The following RASSF3 variants were observed in gnomAD, a reference collection of about 807,000 sequenced individuals.
The protein encoded by RASSF3 is Ras association domain family member 3.
A neutral mutation model predicts 19.9 loss-of-function variants in RASSF3; 19 were observed. That is an observed-to-expected ratio of 0.96 (90% CI 0.67 to 1.40). The LOEUF is 1.40. RASSF3 is among the 40% of genes most tolerant of loss of function. RASSF3 has a pLI of 0.00. For synonymous variants in RASSF3, 110 were observed against 104.2 expected, an observed-to-expected ratio of 1.06 and a Z score of -0.34; for missense variants, 306 against 289.8, an observed-to-expected ratio of 1.06 and a Z score of -0.41.
chr12:64,559,853 C>T (rs1254996776), intron 2 of RASSF3, among the ~76,000 whole-genome samples: 1 of 152,228 alleles, frequency 6.6e-6, no homozygotes, highest in Non-Finnish European at 1.5e-5. Flanking sequence ...GGTTCCTGCT[C>T]GCTAATTCTT....
chr12:64,556,233 T>C (rs1869254031), intron 2 of RASSF3, among the ~76,000 whole-genome samples: 1 of 152,088 alleles, frequency 6.6e-6, no homozygotes, highest in South Asian at 2.1e-4. Context: ...TGATCATGGC[T>C]CACTGCAGCC....
At chr12:64,629,988 AAAAG>A (rs1871123189) in intron 1 of RASSF3, 2 of 150,640 alleles carry the variant, frequency 1.3e-5, no homozygotes, top group African/African-American at 2.5e-5. Context: ...GAAAAAGAAA[AAAAG>A]AACAAGAAAG....
chr12:64,567,320 C>A (rs1397666326), intron 2 of RASSF3, among the ~76,000 whole-genome samples: 1 of 152,194 alleles, frequency 6.6e-6, no homozygotes, highest in Non-Finnish European at 1.5e-5. Context: ...TGGAAGGAAT[C>A]TCCTACCTGG....
Position 64,527,134 on chromosome 12 carries a change from A to T in RASSF3, c.170-14447A>T, listed in dbSNP as rs188364168. 2.0e-4 allele frequency among the ~76,000 whole-genome samples: 31 copies of T among 152,304 alleles called. No homozygotes were observed. The East Asian group carries it at 5.0e-3, about 25-fold the overall frequency. ...GCAGTTTAACAAGTTACCCAGCTGA[A>T]GCTCATGCTGTCCTCCTCTGAGAAC... On this transcript the variant is annotated intron_variant, in intron 1 of 5. Coordinates refer to the RASSF3 transcript ENST00000637125.
At chr12:64,548,516 T>G (rs975879551) in intron 2 of RASSF3, among the ~76,000 whole-genome samples, 14 of 152,204 alleles carry the variant, frequency 9.2e-5, no homozygotes, top group African/African-American at 3.4e-4. Flanking sequence ...TTGGTGCATT[T>G]CTTACTGTTG....
chr12:64,536,183 T>G (rs1868823491), intron 1 of RASSF3, among the ~76,000 whole-genome samples: 1 of 151,662 alleles, frequency 6.6e-6, no homozygotes, highest in African/African-American at 2.4e-5. Context: ...GTATTTTTAG[T>G]AGAGATGGGG....
intron 1 of RASSF3, among the ~76,000 whole-genome samples, chr12:64,673,294 G>A (rs1872765602): frequency 6.6e-6 from 1 of 152,148 alleles, no homozygotes; most frequent in Admixed American, 6.5e-5. Flanking sequence ...TGGTGCTTGT[G>A]TCACCACTCG....
chr12:64,688,481 G>T, intron 3 of RASSF3, 28 bp downstream of exon 3: 2 of 1,503,224 alleles, frequency 1.3e-6, no homozygotes, highest in South Asian at 1.1e-5. Flanking sequence ...AAGGAAAATG[G>T]TCTGTGCTTC....
intron 2 of RASSF3, among the ~76,000 whole-genome samples, chr12:64,595,568 A>G (rs190702595): frequency 6.6e-6 from 1 of 152,252 alleles, no homozygotes; most frequent in East Asian, 1.9e-4. Context: ...CGTATGTAAT[A>G]CATCTTTTTC....
chr12:64,600,511 C>G (rs1870074260), intron 2 of RASSF3, among the ~76,000 whole-genome samples: 1 of 152,050 alleles, frequency 6.6e-6, no homozygotes, highest in South Asian at 2.1e-4. Context: ...TTTCAAATGC[C>G]CTTTGGGAGT....
At chr12:64,544,077 G>A (rs1050586592), downstream of RASSF3, among the ~76,000 whole-genome samples, 2 of 152,134 alleles carry the variant, frequency 1.3e-5, no homozygotes, top group East Asian at 1.9e-4. Flanking sequence ...TTGGCACCTC[G>A]GTGGGGGTCC....
rs564258683 is a variant in RASSF3 at position 64,523,244 on chromosome 12, A to G, written c.169+15915A>G. On this transcript the variant is annotated intron_variant, in intron 1 of 5. Coordinates refer to the RASSF3 transcript ENST00000637125. ...AACATGGCGAAACCCCATCTCTATG[A>G]AAAATACAAAAAATAGCCGGGCATG... 3.0e-3 allele frequency among the ~76,000 whole-genome samples: 456 copies of G among 152,198 alleles called. 2 individuals are homozygous for G. Among genetic ancestry groups the G allele is most frequent in the Non-Finnish European group, 5.1e-3 (345 of 68,008 alleles).
chr12:64,607,620 C>T (rs916041553), upstream of RASSF3, among the ~76,000 whole-genome samples: 5 of 152,136 alleles, frequency 3.3e-5, no homozygotes, highest in Admixed American at 1.3e-4. Context: ...AGTGATCTGC[C>T]GGCCTCAGCC....
intron 1 of RASSF3, among the ~76,000 whole-genome samples, chr12:64,611,034 C>A (rs1870338604): frequency 6.6e-6 from 1 of 152,228 alleles, no homozygotes; most frequent in East Asian, 1.9e-4. Flanking sequence ...CTGCGGGGAG[C>A]AGCCCCGGAG....
At chr12:64,623,217 A>G (rs1870855419) in intron 1 of RASSF3, among the ~76,000 whole-genome samples, 1 of 152,356 alleles carries the variant, frequency 6.6e-6, no homozygotes, top group Non-Finnish European at 1.5e-5. Context: ...ATGAAAATAG[A>G]AAACAACATA....
intron 1 of RASSF3, among the ~76,000 whole-genome samples, chr12:64,613,943 G>A (rs921064998): frequency 1.3e-5 from 2 of 152,032 alleles, no homozygotes; most frequent in Admixed American, 6.6e-5. Flanking sequence ...GCGAGACCCT[G>A]TCTCAAAAAC....
intron 4 of RASSF3, among the ~76,000 whole-genome samples, chr12:64,693,164 T>C: frequency 6.7e-6 from 1 of 150,112 alleles, no homozygotes; most frequent in East Asian, 1.9e-4. Flanking sequence ...TTTTTTTTTT[T>C]AAATAACCAG....
chr12:64,649,715 C>T (rs1166482765), intron 1 of RASSF3, among the ~76,000 whole-genome samples: 2 of 152,194 alleles, frequency 1.3e-5, no homozygotes, highest in Non-Finnish European at 2.9e-5. Context: ...ATGCTTAACA[C>T]TTCCAAAACA....
chr12:64,663,840 CTTTT>C (rs34450092), intron 1 of RASSF3, among the ~76,000 whole-genome samples: 4 of 73,072 alleles, frequency 5.5e-5, no homozygotes, highest in Non-Finnish European at 1.1e-4. Flanking sequence ...TTAGCCTTGC[CTTTT>C]TTTTTTTTTT....
Sources: allele counts gnomAD v4.1 joint callset (sites outside exome capture counted in the v4.1 genomes callset), GRCh38; gene constraint gnomAD v4.1.1; transcripts MANE v1.5; gene names NCBI Gene and HGNC (gene_info 2026-07-23, HGNC 2026-07-21).